Variants in TCF12 observed in about 807,000 individuals in gnomAD.
TCF12 encodes DNA-binding protein HTF4.
TCF12 carries 45 observed loss-of-function variants against 86.0 expected under a neutral mutation model. The observed-to-expected ratio is 0.52, with a 90% CI of 0.41 to 0.67. TCF12 has a LOEUF of 0.67. Ranked by LOEUF, TCF12 falls within the 30% of genes least tolerant of loss-of-function variation. The pLI is 0.00. For missense variants in TCF12, 881 were observed against 859.9 expected (o/e 1.02, Z -0.31); for synonymous variants, 330 against 299.6 (o/e 1.10, Z -1.05).
intron 7 of TCF12, among the ~76,000 whole-genome samples, chr15:57,193,531 A>G (rs1209147046): frequency 6.6e-6 from 1 of 152,228 alleles, no homozygotes; most frequent in East Asian, 1.9e-4. Flanking sequence ...ACTGTGTTTA[A>G]ATGTCAGAAT....
chr15:57,258,770 T>C (rs1210161790), intron 16 of TCF12, among the ~76,000 whole-genome samples: 1 of 152,208 alleles, frequency 6.6e-6, no homozygotes, highest in Non-Finnish European at 1.5e-5. Flanking sequence ...TTTAAAAATA[T>C]AAATCATGTC....
At chr15:56,976,662 A>G (rs1379654739) in intron 3 of TCF12, among the ~76,000 whole-genome samples, 1 of 152,122 alleles carries the variant, frequency 6.6e-6, no homozygotes, top group South Asian at 2.1e-4. Flanking sequence ...AGCTAGACAC[A>G]TTTGCTTCCT....
chr15:56,988,062 T>C (rs959421949), intron 3 of TCF12, among the ~76,000 whole-genome samples: 3 of 152,322 alleles, frequency 2.0e-5, no homozygotes. Flanking sequence ...CTAAAACATA[T>C]AGGCAGTGAT....
chr15:57,249,833 TTTA>T (rs1263555330), intron 13 of TCF12, among the ~76,000 whole-genome samples: 2 of 152,214 alleles, frequency 1.3e-5, no homozygotes, highest in African/African-American at 4.8e-5. Flanking sequence ...ATATTTAGTC[TTTA>T]TTATTTTCTG....
At chr15:56,931,653 A>G (rs1210772398) in intron 3 of TCF12, among the ~76,000 whole-genome samples, 2 of 152,226 alleles carry the variant, frequency 1.3e-5, no homozygotes, top group Non-Finnish European at 2.9e-5. Context: ...TAGTAGCATG[A>G]TGCTTATTCC....
At chr15:57,175,790 T>G (rs1200456143) in intron 6 of TCF12, among the ~76,000 whole-genome samples, 1 of 152,192 alleles carries the variant, frequency 6.6e-6, no homozygotes, top group African/African-American at 2.4e-5. Flanking sequence ...CTTTTAAGTG[T>G]TTGAAGCATA....
chr15:57,193,975 A>G (rs527649772), intron 7 of TCF12, among the ~76,000 whole-genome samples: 1 of 152,318 alleles, frequency 6.6e-6, no homozygotes, highest in East Asian at 1.9e-4. Context: ...CTAATGAGTT[A>G]GTCAGAATAG....
chr15:57,058,904 A>C (rs1456948939), intron 3 of TCF12, among the ~76,000 whole-genome samples: 1 of 152,192 alleles, frequency 6.6e-6, no homozygotes, highest in Non-Finnish European at 1.5e-5. Flanking sequence ...TTTTAGGTGT[A>C]TATTAGTTTA....
chr15:57,141,370 A>T (rs1311381465), intron 5 of TCF12, among the ~76,000 whole-genome samples: 1 of 152,148 alleles, frequency 6.6e-6, no homozygotes, highest in Non-Finnish European at 1.5e-5. Flanking sequence ...ATTGATTGAG[A>T]TGGGGTTTAG....
At chr15:57,257,112 A>G (rs2060381792) in intron 16 of TCF12, among the ~76,000 whole-genome samples, 1 of 152,212 alleles carries the variant, frequency 6.6e-6, no homozygotes, top group Non-Finnish European at 1.5e-5. Flanking sequence ...ATAAAACTTT[A>G]TTTACAAAAA....
rs67591734 is a variant in TCF12, at chr15:57,239,515, CA to C, written c.1036-3940del. ...TGGGCAACAGAGCAAGACTCCATCTCAAAAAAAAAAAAAAAAAGTTTTTGAG... is the reference window on the plus strand; with the variant it reads ...TGGGCAACAGAGCAAGACTCCATCTCAAAAAAAAAAAAAAAAGTTTTTGAG... On this transcript the variant is annotated intron_variant, in intron 12 of 20. Coordinates refer to ENST00000333725, the MANE Select transcript of TCF12 (RefSeq NM_207037.2). Among the ~76,000 whole-genome samples, 496 of 107,130 alleles carry C rather than the reference CA, an allele frequency of 4.6e-3. 4 individuals are homozygous for C. The highest frequency in any genetic ancestry group is 0.017 in the African/African-American group (405 of 23,810). The allele number at this position is 107,130 out of a possible 152,430, so 70.3% of individuals were successfully genotyped here.
At chr15:57,007,755 C>CTTCTTTCTTTCTTTCTTTCTTTCT (rs61173765) in intron 3 of TCF12, among the ~76,000 whole-genome samples, 9 of 83,864 alleles carry the variant, frequency 1.1e-4, no homozygotes, top group African/African-American at 3.4e-4. Flanking sequence ...AATATTTTTC[C>CTTCTTTCTTTCTTTCTTTCTTTCT]TTCTTTCTTT....
chr15:57,260,717 T>C (rs2060549648), intron 16 of TCF12, among the ~76,000 whole-genome samples: 1 of 152,196 alleles, frequency 6.6e-6, no homozygotes, highest in Admixed American at 6.5e-5. Flanking sequence ...CCGTATATTA[T>C]GTTTGCCCAT....
chr15:56,922,808 G>C (rs2059848791), intron 3 of TCF12, among the ~76,000 whole-genome samples: 1 of 151,840 alleles, frequency 6.6e-6, no homozygotes, highest in South Asian at 2.1e-4. Context: ...AAAATGCCAT[G>C]TGATTTTTTT....
At chr15:57,139,151 C>T (rs2052770843) in intron 5 of TCF12, among the ~76,000 whole-genome samples, 2 of 152,120 alleles carry the variant, frequency 1.3e-5, no homozygotes, top group South Asian at 4.1e-4. Flanking sequence ...TCTCCCTTCT[C>T]ACCTCTCCTT....
At chr15:57,057,458 C>G (rs76209271) in intron 3 of TCF12, among the ~76,000 whole-genome samples, 6,125 of 152,258 alleles carry the variant, frequency 0.04, 370 homozygotes, top group Admixed American at 0.17. Flanking sequence ...AGAAACTCAC[C>G]CATTCTGGTC....
At chr15:57,194,879 T>C (rs2057171563) in intron 7 of TCF12, among the ~76,000 whole-genome samples, 1 of 152,160 alleles carries the variant, frequency 6.6e-6, no homozygotes, top group Non-Finnish European at 1.5e-5. Flanking sequence ...GCTTACTCTC[T>C]TTTTATTCTA....
chr15:57,169,752 C>G (rs977184710), intron 6 of TCF12, among the ~76,000 whole-genome samples: 20 of 152,056 alleles, frequency 1.3e-4, no homozygotes, highest in African/African-American at 4.6e-4. Flanking sequence ...AATCATAGTT[C>G]ATGCTTATAT....
In TCF12 at chr15:57,242,794, A is replaced by G. The variant is rs1403110811; in HGVS notation, c.1036-678A>G. On this transcript the variant is annotated intron_variant, in intron 12 of 20. Transcript: ENST00000333725. ...TGAGCCAGAATACCTAAATTTATGC[A>G]TCCGATAATTTATCCTTTTCAAAGT... Among the ~76,000 whole-genome samples, 5 of 152,248 alleles carry G rather than the reference A, an allele frequency of 3.3e-5. No homozygotes were observed. In the South Asian group the frequency reaches 1.0e-3, roughly 32 times the overall value.
Sources: gnomAD v4.1 joint callset for allele counts (sites outside exome capture counted in the v4.1 genomes callset) on GRCh38, gnomAD v4.1.1 for gene constraint, MANE v1.5 for transcripts, NCBI Gene and HGNC (gene_info 2026-07-23, HGNC 2026-07-21) for gene names.